CNTN5: variants seen among roughly 807,000 people sequenced by gnomAD.
CNTN5 encodes the protein contactin-5.
Under a neutral mutation model 129.1 loss-of-function variants are expected in CNTN5, and 77 were observed. That is an observed-to-expected ratio of 0.60 (90% confidence interval 0.50 to 0.72). CNTN5 has a LOEUF of 0.72. Among genes scored for constraint, CNTN5 ranks in the 30% least tolerant of loss-of-function variants. The pLI, the probability that CNTN5 is intolerant of heterozygous loss-of-function variation, is 0.00. For synonymous variants in CNTN5, 509 were observed against 465.6 expected (o/e 1.09, Z -1.20); for missense variants, 1,478 against 1,328.8 (o/e 1.11, Z -1.75).
At chr11:99,396,195 T>C (rs1941515118) in intron 2 of CNTN5, among the ~76,000 whole-genome samples, 1 of 151,676 alleles carries the variant, frequency 6.6e-6, no homozygotes, top group South Asian at 2.1e-4. Context: ...TTTTTTCATT[T>C]GTTTGTGTCA....
chr11:100,017,162 A>G (rs1227950238), intron 9 of CNTN5, among the ~76,000 whole-genome samples: 1 of 151,850 alleles, frequency 6.6e-6, no homozygotes, highest in East Asian at 1.9e-4. Flanking sequence ...TACATTATGA[A>G]ATCAGGTCAC....
chr11:100,282,180 G>C (rs1043759252), intron 18 of CNTN5, among the ~76,000 whole-genome samples: 1 of 152,140 alleles, frequency 6.6e-6, no homozygotes, highest in Non-Finnish European at 1.5e-5. Context: ...CCATTGAAGA[G>C]TTAGGCATTT....
At chr11:100,320,553 C>T (rs148314942) in intron 21 of CNTN5, among the ~76,000 whole-genome samples, 1 of 151,578 alleles carries the variant, frequency 6.6e-6, no homozygotes, top group East Asian at 1.9e-4. Flanking sequence ...TGATGTAATC[C>T]CATTTGGTTT....
At chr11:99,869,859 A>G (rs999072901) in intron 6 of CNTN5, among the ~76,000 whole-genome samples, 1 of 152,158 alleles carries the variant, frequency 6.6e-6, no homozygotes, top group African/African-American at 2.4e-5. Flanking sequence ...TCCCTTAGGG[A>G]TCTATTTTAA....
intron 2 of CNTN5, among the ~76,000 whole-genome samples, chr11:99,438,405 T>C (rs752853020): frequency 1.3e-5 from 2 of 152,168 alleles, no homozygotes; most frequent in African/African-American, 4.8e-5. Context: ...CCAGTAATTG[T>C]TGGACAAGAA....
chr11:100,108,259 A>G (rs4753968), intron 13 of CNTN5, among the ~76,000 whole-genome samples: 87,517 of 151,726 alleles, frequency 0.58, 25,837 homozygotes, highest in East Asian at 0.81. Context: ...GATTAGTGCT[A>G]TATAGCAAAA....
At chr11:100,296,427 G>A (rs75975073) in intron 18 of CNTN5, among the ~76,000 whole-genome samples, 155 of 151,628 alleles carry the variant, frequency 1.0e-3, no homozygotes, top group Non-Finnish European at 1.7e-3. Context: ...GAGGGAATCC[G>A]TGAGATGAAC....
intron 3 of CNTN5, among the ~76,000 whole-genome samples, chr11:99,731,658 C>G (rs984595171): frequency 6.6e-6 from 1 of 152,254 alleles, no homozygotes; most frequent in East Asian, 1.9e-4. Flanking sequence ...CACCACCATC[C>G]TCAGTATCTC....
chr11:99,619,714 AC>A (rs1222956994), intron 3 of CNTN5, among the ~76,000 whole-genome samples: 1 of 152,148 alleles, frequency 6.6e-6, no homozygotes, highest in African/African-American at 2.4e-5. Context: ...TTCAGGTCTT[AC>A]ATAAAATGTG....
At chr11:99,689,539 A>AAAG (rs1485684406) in intron 3 of CNTN5, among the ~76,000 whole-genome samples, 1 of 149,684 alleles carries the variant, frequency 6.7e-6, no homozygotes, top group East Asian at 2.0e-4. Context: ...AGAAAAAAAA[A>AAAG]AAAAAAAAAA....
Position 99,819,676 on chromosome 11 carries a change from G to A in CNTN5, c.188G>A (p.Ser63Asn), listed in dbSNP as rs765510767. 3 of 1,612,972 alleles carry A rather than the reference G, an allele frequency of 1.9e-6. No individual in the cohort carries two copies. The highest frequency in any genetic ancestry group is 4.5e-5 in the East Asian group (2 of 44,862). The change falls in exon 4 of 25, where the codon AGT (serine) becomes AAT (asparagine). Residue 63 changes from serine (S) to asparagine (N), a missense_variant. Transcript: ENST00000524871. ...RYSSPSLGTL[S>N]ASSPSWLGAA... ...AGCAGCCCTTCATTAGGAACACTGAGTGCTTCTTCACCCAGCTGGCTAGGG... is the reference window on the plus strand; with the variant it reads ...AGCAGCCCTTCATTAGGAACACTGAATGCTTCTTCACCCAGCTGGCTAGGG...
At chr11:99,444,396 A>G (rs1394455) in intron 2 of CNTN5, among the ~76,000 whole-genome samples, 142,098 of 152,230 alleles carry the variant, frequency 0.93, 66,836 homozygotes, top group Non-Finnish European at 0.99. Context: ...AAACAAGCAA[A>G]TATCCTAGTT....
chr11:99,723,424 A>G (rs921989160), intron 3 of CNTN5, among the ~76,000 whole-genome samples: 27 of 152,046 alleles, frequency 1.8e-4, no homozygotes, highest in Admixed American at 6.6e-4. Flanking sequence ...ATTCTCCTAT[A>G]TGATCATTTA....
In CNTN5 at chr11:100,122,394, G is replaced by C. The variant is rs138472634; in HGVS notation, c.1580+48100G>C. Among the ~76,000 whole-genome samples the C allele has an allele frequency of 2.1e-3, 324 of 152,110 alleles. 1 individual carries two copies. The highest frequency in any genetic ancestry group is 7.0e-3 in the African/African-American group (291 of 41,530). Reference sequence around the variant, plus strand: ...CGCCCAGCAGATTGGATCACACTAAGGATGGATCTTCCCTGCTCAGTCCAC... The same window carrying C: ...CGCCCAGCAGATTGGATCACACTAACGATGGATCTTCCCTGCTCAGTCCAC... On this transcript the variant is annotated intron_variant, in intron 13 of 24. Transcript: ENST00000524871.
At chr11:100,048,724 A>G (rs757553494) in intron 9 of CNTN5, among the ~76,000 whole-genome samples, 10 of 152,068 alleles carry the variant, frequency 6.6e-5, no homozygotes, top group Non-Finnish European at 1.0e-4. Flanking sequence ...AATTAGCTAC[A>G]TAACGTATAT....
At chr11:99,049,088 A>C (rs923801896) in intron 1 of CNTN5, among the ~76,000 whole-genome samples, 4 of 152,316 alleles carry the variant, frequency 2.6e-5, no homozygotes, top group African/African-American at 9.6e-5. Flanking sequence ...GTAGTAAAAC[A>C]TATGGGTTAA....
intron 1 of CNTN5, among the ~76,000 whole-genome samples, chr11:99,161,533 A>T (rs1376149637): frequency 6.6e-6 from 1 of 152,172 alleles, no homozygotes; most frequent in African/African-American, 2.4e-5. Context: ...AATTGCGAGC[A>T]TGGAGAGTTG....
intron 2 of CNTN5, among the ~76,000 whole-genome samples, chr11:99,476,019 T>C (rs972704243): frequency 6.6e-6 from 1 of 152,090 alleles, no homozygotes; most frequent in Admixed American, 6.6e-5. Context: ...TAACATATCA[T>C]TGACAAACAG....
At position 99,988,086 on chromosome 11, in the gene CNTN5, C is replaced by T. The variant is rs7126540; in HGVS notation, c.878-13948C>T. Among the ~76,000 whole-genome samples, 1,391 of 152,278 alleles carry T rather than the reference C, an allele frequency of 9.1e-3. 22 individuals carry two copies. The highest frequency in any genetic ancestry group is 0.029 in the African/African-American group (1,204 of 41,554). ...AAAACATTTCTCCTTTGAACCATAT[C>T]ATACACAGAGGCTTTGAAATCCACA... is the stretch of plus-strand genomic sequence containing the variant. On this transcript the variant is annotated intron_variant, in intron 8 of 24. Coordinates refer to ENST00000524871, the MANE Select transcript of CNTN5 (RefSeq NM_014361.4).
Sources: gnomAD v4.1 joint callset for allele counts (sites outside exome capture counted in the v4.1 genomes callset) on GRCh38, gnomAD v4.1.1 for gene constraint, MANE v1.5 for transcripts, NCBI Gene and HGNC (gene_info 2026-07-23, HGNC 2026-07-21) for gene names.